The following TIGIT variants were observed in gnomAD, a reference collection of about 807,000 sequenced individuals.
The protein encoded by TIGIT is T-cell immunoreceptor with Ig and ITIM domains.
In TIGIT, 11 loss-of-function variants were observed where a neutral mutation model predicts 19.6. The ratio of observed to expected loss-of-function variants is 0.56; its 90% confidence interval spans 0.35 to 0.93. TIGIT has a LOEUF of 0.93. TIGIT is among the 40% of genes least tolerant of loss of function. TIGIT has a pLI of 0.01. For missense variants in TIGIT, 295 were observed against 303.9 expected (o/e 0.97, Z 0.22); for synonymous variants, 130 against 125.5 (o/e 1.04, Z -0.24).
Position 114,295,643 on chromosome 3 carries a change from G to A in TIGIT, c.160G>A (p.Val54Met), listed in dbSNP as rs2078448368. ...TCACCTCTCCTCCACCACGGCACAA[G>A]TGACCCAGGTCAACTGGGAGCAGCA... ...QCHLSSTTAQ[V>M]TQVNWEQQDQ... Residue 54 changes from valine to methionine, a missense_variant, in exon 2 of 4, where the codon GTG becomes ATG. Coordinates refer to ENST00000383671, the MANE Select transcript of TIGIT (RefSeq NM_173799.4). The A allele has an allele frequency of 6.2e-7, 1 of 1,614,078 alleles. No homozygotes were observed. The highest frequency in any genetic ancestry group is 1.3e-5 in the African/African-American group (1 of 74,930).
chr3:114,295,538 TC>T lies in TIGIT; in HGVS notation c.62-4del. 6.2e-7 allele frequency: 1 copy of T among 1,609,324 alleles called. No individual in the cohort carries two copies. Among genetic ancestry groups the T allele is most frequent in the Non-Finnish European group, 8.5e-7 (1 of 1,177,262 alleles). ...AGGACTCACATGTGCTTCGTCCTCT[TC>T]CCTAGGAATGATGACAGGCACAATA... On this transcript the variant is annotated splice_region_variant and splice_polypyrimidine_tract_variant and intron_variant, in intron 1 of 3. Coordinates refer to ENST00000383671, the MANE Select transcript of TIGIT (RefSeq NM_173799.4).
chr3:114,298,476 T>C (rs746873858), intron 2 of TIGIT, among the ~76,000 whole-genome samples: 3 of 152,214 alleles, frequency 2.0e-5, no homozygotes, highest in Non-Finnish European at 2.9e-5. Context: ...AATCTGGCTC[T>C]GTCCCCAAAC....
chr3:114,307,146 C>T (rs1398720634), intron 3 of TIGIT, among the ~76,000 whole-genome samples: 1 of 100,950 alleles, frequency 9.9e-6, no homozygotes, highest in African/African-American at 3.5e-5. Flanking sequence ...TGCCATAAAC[C>T]AGGGCAGTGA....
rs1266873624 is a variant in TIGIT at position 114,303,522 on chromosome 3, TATATATGTATATATATAC to T, written c.498+3821_498+3838del. Among the ~76,000 whole-genome samples the T allele has an allele frequency of 1.8e-3, 19 of 10,318 alleles. 1 individual carries two copies. Among genetic ancestry groups the T allele is most frequent in the Non-Finnish European group, 3.4e-3 (10 of 2,970 alleles). The allele number at this position is 10,318 out of a possible 152,430, so 6.8% of individuals were successfully genotyped here. A position where few individuals can be genotyped will look rare whatever the true frequency, so the allele number is the denominator to read the frequency against. On this transcript the variant is annotated intron_variant, in intron 3 of 3. Coordinates refer to ENST00000383671, the MANE Select transcript of TIGIT (RefSeq NM_173799.4). ...ATATATATGTATATATATATACACA[TATATATGTATATATATAC>T]ACATATATATGTATATATATATACA...
rs140786306 is a variant in TIGIT, at chr3:114,307,861, C to T, written c.499-34C>T. ...GGGGATTAACTGTTGAATAACATCC[C>T]CACATACTCACTTTGTAGTTTGTTT... On this transcript the variant is annotated intron_variant, in intron 3 of 3. Coordinates refer to ENST00000383671, the MANE Select transcript of TIGIT (RefSeq NM_173799.4). 3,120 of 1,581,472 alleles carry T rather than the reference C, an allele frequency of 2.0e-3. 6 individuals carry two copies. The highest frequency in any genetic ancestry group is 4.7e-3 in the Middle Eastern group (28 of 5,998).
chr3:114,307,681 G>A, intron 3 of TIGIT: 1 of 563,508 alleles, frequency 1.8e-6, no homozygotes, highest in Non-Finnish European at 3.2e-6. Flanking sequence ...TGTGGCACGT[G>A]GTATATGTAG....
rs775242136 is a variant in TIGIT at position 114,294,138 on chromosome 3, C to T, written c.61+16C>T. 2 of 1,536,072 alleles carry T rather than the reference C, an allele frequency of 1.3e-6. No homozygotes were observed. The highest frequency in any genetic ancestry group is 2.4e-5 in the South Asian group (2 of 82,704). ...CTCGCCTCAGGTAAGGCCTGAAACCCAGCAGAGCAGCAGGGAGGAAAAACA... is the reference window on the plus strand; with the variant it reads ...CTCGCCTCAGGTAAGGCCTGAAACCTAGCAGAGCAGCAGGGAGGAAAAACA... On this transcript the variant is annotated intron_variant, in intron 1 of 3. Transcript: ENST00000383671.
intron 3 of TIGIT, among the ~76,000 whole-genome samples, chr3:114,303,591 ATATATG>A (rs1248559041): frequency 2.0e-4 from 2 of 10,032 alleles, no homozygotes; most frequent in African/African-American, 3.0e-4. Flanking sequence ...ATATATACAT[ATATATG>A]TATATATATA....
chr3:114,307,565 T>G, intron 3 of TIGIT: 1 of 241,034 alleles, frequency 4.1e-6, no homozygotes, highest in Non-Finnish European at 8.1e-6. Context: ...AAAGAGAACA[T>G]TTCAGAAAGT....
In TIGIT at chr3:114,308,152, A is replaced by G. The variant is rs1447558790; in HGVS notation, c.*21A>G. The G allele has an allele frequency of 6.3e-7, 1 of 1,598,658 alleles. No homozygotes were observed. The highest frequency in any genetic ancestry group is 2.2e-5 in the East Asian group (1 of 44,790). Reference sequence around the variant, plus strand: ...GTTAGCAACCAGAGGCATCTTCTGGAAGATACACTTTTGTCTTTGCTATTA... The same window carrying G: ...GTTAGCAACCAGAGGCATCTTCTGGGAGATACACTTTTGTCTTTGCTATTA... On this transcript the variant is annotated 3_prime_UTR_variant, in exon 4 of 4. Transcript: ENST00000383671.
At chr3:114,294,175 G>C in intron 1 of TIGIT, 53 bp downstream of exon 1, 1 of 1,444,242 alleles carries the variant, frequency 6.9e-7, no homozygotes, top group East Asian at 2.5e-5. Context: ...GGCTAAGCTT[G>C]GTTGGAGACT....
intron 3 of TIGIT, among the ~76,000 whole-genome samples, chr3:114,302,213 C>A (rs1230055497): frequency 6.6e-6 from 1 of 152,172 alleles, no homozygotes; most frequent in Non-Finnish European, 1.5e-5. Flanking sequence ...TTTGCATTGG[C>A]TGACCTCAAA....
intron 2 of TIGIT, 109 bp downstream of exon 2, chr3:114,295,983 C>T (rs2078451320): frequency 1.2e-5 from 11 of 885,160 alleles, no homozygotes; most frequent in Non-Finnish European, 1.5e-5. Context: ...ACATTTGAAT[C>T]ACCTGAGGAG....
chr3:114,296,858 G>T (rs1422304352), intron 2 of TIGIT, among the ~76,000 whole-genome samples: 1 of 150,468 alleles, frequency 6.6e-6, no homozygotes, highest in African/African-American at 2.4e-5. Context: ...AAGATAAAAG[G>T]TTACCTTAAA....
intron 1 of TIGIT, 88 bp downstream of exon 1, chr3:114,294,210 C>A: frequency 1.0e-6 from 1 of 1,000,686 alleles, no homozygotes; most frequent in Non-Finnish European, 1.5e-6. Flanking sequence ...GGGAAGACTC[C>A]AAGAGCATGC....
Position 114,308,127 on chromosome 3 carries a change from G to C in TIGIT, c.731G>C (p.Gly244Ala). The C allele has an allele frequency of 1.9e-6, 3 of 1,613,752 alleles. No individual in the cohort carries two copies. Among genetic ancestry groups the C allele is most frequent in the Non-Finnish European group, 2.5e-6 (3 of 1,179,810 alleles). The part of the protein sequence containing the change: ...LGNCSFFTET[G>A] ...AACTGCAGCTTCTTCACAGAGACTG[G>C]TTAGCAACCAGAGGCATCTTCTGGA... The change falls in exon 4 of 4, where the codon GGT (glycine) becomes GCT (alanine). Residue 244 changes from glycine (G) to alanine (A), a missense_variant. Physicochemically the swap from Gly to Ala is moderately conservative, Grantham distance 60. Coordinates refer to ENST00000383671, the MANE Select transcript of TIGIT (RefSeq NM_173799.4).
chr3:114,307,973 G>C lies in TIGIT; in HGVS notation c.577G>C (p.Ala193Pro). The C allele has an allele frequency of 6.2e-7, 1 of 1,614,116 alleles. No individual in the cohort carries two copies. The highest frequency in any genetic ancestry group is 8.5e-7 in the Non-Finnish European group (1 of 1,180,026). Residue 193 changes from alanine (A) to proline (P), a missense_variant, in exon 4 of 4, where the codon GCT (alanine) becomes CCT (proline). Transcript: ENST00000383671. Reference protein sequence around the residue: ...SAGQEEWSPSAPSPPGSCVQA... With the variant: ...SAGQEEWSPSPPSPPGSCVQA... The stretch of plus-strand genomic sequence containing the variant: ...TGGACAGGAGGAATGGAGCCCCAGT[G>C]CTCCCTCACCCCCAGGAAGCTGTGT...
intron 3 of TIGIT, among the ~76,000 whole-genome samples, chr3:114,304,403 C>A (rs2693049): frequency 6.8e-4 from 103 of 152,308 alleles, no homozygotes; most frequent in African/African-American, 2.5e-3. Context: ...TTTTGTTCCC[C>A]TTTTCCATAG....
At chr3:114,303,296 G>A (rs983834408) in intron 3 of TIGIT, among the ~76,000 whole-genome samples, 1 of 151,806 alleles carries the variant, frequency 6.6e-6, no homozygotes, top group African/African-American at 2.4e-5. Flanking sequence ...AGTCCCCAAA[G>A]TCCATTAGTC....
Sources: gnomAD v4.1 joint callset for allele counts (sites outside exome capture counted in the v4.1 genomes callset) on GRCh38, gnomAD v4.1.1 for gene constraint, MANE v1.5 for transcripts, NCBI Gene and HGNC (gene_info 2026-07-23, HGNC 2026-07-21) for gene names.